HTT: variants seen among roughly 807,000 people sequenced by gnomAD.
The protein encoded by HTT is huntingtin.
In HTT, 104 loss-of-function variants were observed where a neutral mutation model predicts 362.3. The observed-to-expected ratio is 0.29, with a 90% CI of 0.24 to 0.34. HTT has a LOEUF of 0.34. HTT is among the 10% of genes least tolerant of loss of function. The pLI, the probability that HTT is intolerant of heterozygous loss-of-function variation, is 1.00. For missense variants in HTT, 3,301 were observed against 3,928.6 expected (o/e 0.84, Z 4.27); for synonymous variants, 1,577 against 1,548.7 (o/e 1.02, Z -0.43).
intron 62 of HTT, 28 bp from the exon 63 acceptor site, chr4:3,235,537 T>G: frequency 6.2e-7 from 1 of 1,603,900 alleles, no homozygotes; most frequent in Non-Finnish European, 8.5e-7. Context: ...AGCGATTCTT[T>G]GACACAGAGG....
intron 8 of HTT, among the ~76,000 whole-genome samples, chr4:3,119,909 C>T (rs1715214190): frequency 6.6e-6 from 1 of 152,120 alleles, no homozygotes. Context: ...TTCAGTCTTG[C>T]AGGCCATCCC....
At position 3,217,222 on chromosome 4, in the gene HTT, C is replaced by T. The variant is rs1578598313; in HGVS notation, c.7055-543C>T. Among the ~76,000 whole-genome samples the T allele has an allele frequency of 3.9e-5, 6 of 152,274 alleles. No individual in the cohort carries two copies. In the South Asian group the frequency reaches 1.2e-3, roughly 32 times the overall value. ...TAGGTATGATATTCTAGACTCAAGA[C>T]ACCATTCTGTGGATCTTCCCAAGGG... is the stretch of plus-strand genomic sequence containing the variant. On this transcript the variant is annotated intron_variant, in intron 51 of 66. Coordinates refer to ENST00000355072, the MANE Select transcript of HTT (RefSeq NM_001388492.1).
chr4:3,217,137 G>T (rs567789287), intron 51 of HTT, among the ~76,000 whole-genome samples: 1 of 152,126 alleles, frequency 6.6e-6, no homozygotes, highest in African/African-American at 2.4e-5. Context: ...GTAGAATCTC[G>T]TGGCCTGTGG....
chr4:3,203,899 C>A lies in HTT; in HGVS notation c.5577-108C>A, dbSNP rs367731283. On this transcript the variant is annotated intron_variant, in intron 41 of 66. Coordinates refer to ENST00000355072, the MANE Select transcript of HTT (RefSeq NM_001388492.1). ...CATTCTGATATGGCAATATTTAAAA[C>A]AACTTGTCTGTTTTAGAACTAGAAT... 6.7e-5 allele frequency: 72 copies of A among 1,079,114 alleles called. 1 individual carries two copies. The highest frequency in any genetic ancestry group is 2.6e-4 in the East Asian group (11 of 42,012). 66.8% of individuals were successfully genotyped at this position (1,079,114 alleles called of 1,614,324 possible).
chr4:3,217,949 A>C lies in HTT; in HGVS notation c.7239A>C (p.Pro2413=). The change falls in exon 52 of 67, where the codon CCA becomes CCC. Residue 2413 remains proline, a synonymous_variant. Coordinates refer to ENST00000355072, the MANE Select transcript of HTT (RefSeq NM_001388492.1). ...TCAACAGCTACACACGTGTGCCCCCACTGGTGAGTCTGCTCGTTCCTTGCA... is the reference window on the plus strand; with the variant it reads ...TCAACAGCTACACACGTGTGCCCCCCCTGGTGAGTCTGCTCGTTCCTTGCA... ...PLVNSYTRVP[P]LVWKLGWSPK... 6.2e-7 allele frequency: 1 copy of C among 1,606,672 alleles called. No homozygotes were observed. Among genetic ancestry groups the C allele is most frequent in the Non-Finnish European group, 8.5e-7 (1 of 1,176,876 alleles).
At chr4:3,098,593 G>A (rs190497519) in intron 2 of HTT, among the ~76,000 whole-genome samples, 83 of 152,318 alleles carry the variant, frequency 5.4e-4, no homozygotes, top group African/African-American at 1.7e-3. Flanking sequence ...GACAGTTGGA[G>A]CATGATGGCC....
intron 53 of HTT, 96 bp from the exon 54 acceptor site, chr4:3,222,291 T>C: frequency 1.0e-6 from 1 of 979,874 alleles, no homozygotes; most frequent in Non-Finnish European, 1.6e-6. Flanking sequence ...GCGTGGAGCC[T>C]TCTCCAGGGG....
chr4:3,198,386 G>A lies in HTT; in HGVS notation c.5369-1346G>A, dbSNP rs139636537. 6.6e-3 allele frequency among the ~76,000 whole-genome samples: 1,006 copies of A among 151,912 alleles called. 11 individuals carry two copies. The highest frequency in any genetic ancestry group is 0.022 in the African/African-American group (919 of 41,394). Reference sequence around the variant, plus strand: ...ATTACAGGCACCCGCCACCACACTCGGCCAATTTTTGTATTTTTAGTGGAG... The same window carrying A: ...ATTACAGGCACCCGCCACCACACTCAGCCAATTTTTGTATTTTTAGTGGAG... On this transcript the variant is annotated intron_variant, in intron 40 of 66. Transcript: ENST00000355072.
chr4:3,110,490 C>T (rs1172331109), intron 6 of HTT, among the ~76,000 whole-genome samples: 1 of 152,212 alleles, frequency 6.6e-6, no homozygotes, highest in Non-Finnish European at 1.5e-5. Context: ...ATTTCCTTTG[C>T]AGTTCTCCCG....
chr4:3,139,117 A>G (rs1358255896), intron 21 of HTT, among the ~76,000 whole-genome samples: 1 of 152,064 alleles, frequency 6.6e-6, no homozygotes, highest in South Asian at 2.1e-4. Flanking sequence ...CACTCCTTTC[A>G]TTTACTTAAT....
At chr4:3,186,543 A>C in intron 37 of HTT, 54 bp from the exon 38 acceptor site, 8 of 1,596,052 alleles carry the variant, frequency 5.0e-6, no homozygotes, top group Non-Finnish European at 6.0e-6. Context: ...GTGTACAGGA[A>C]GCTGTCGTTT....
intron 5 of HTT, among the ~76,000 whole-genome samples, chr4:3,106,354 C>T (rs1357873764): frequency 6.6e-6 from 1 of 151,856 alleles, no homozygotes; most frequent in Non-Finnish European, 1.5e-5. Flanking sequence ...AGACCTGTCT[C>T]AAAAAAACCA....
chr4:3,179,171 G>A (rs565262959), intron 35 of HTT, among the ~76,000 whole-genome samples: 1 of 152,332 alleles, frequency 6.6e-6, no homozygotes, highest in East Asian at 1.9e-4. Context: ...GACTCAGCGT[G>A]TGTGCAGAAG....
rs61792466 is a variant in HTT, at chr4:3,074,938, A to T, written c.113A>T (p.Gln38Leu). ...CAGCAGCAGCAGCAGCAGCAGCAAC[A>T]GCCGCCACCGCCGCCGCCGCCGCCG... ...QQQQQQQQQQ[Q>L]PPPPPPPPPP... The change falls in exon 1 of 67, where the codon CAG (glutamine) becomes CTG (leucine). Residue 38 changes from glutamine (Q) to leucine (L), a missense_variant. Gln to Leu is a moderately radical substitution (Grantham distance 113). Transcript: ENST00000355072. The T allele has an allele frequency of 7.9e-7, 1 of 1,266,788 alleles. No individual in the cohort carries two copies. The highest frequency in any genetic ancestry group is 3.3e-5 in the East Asian group (1 of 30,306). The allele number at this position is 1,266,788 out of a possible 1,614,324, so 78.5% of individuals were successfully genotyped here. A position where few individuals can be genotyped will look rare whatever the true frequency, so the allele number is the denominator to read the frequency against.
chr4:3,210,022 T>C, intron 47 of HTT, 73 bp downstream of exon 47: 2 of 1,563,990 alleles, frequency 1.3e-6, no homozygotes, highest in Non-Finnish European at 1.7e-6. Flanking sequence ...TGTCTCATCA[T>C]CATGTGACCC....
chr4:3,206,948 C>T lies in HTT; in HGVS notation c.6040C>T (p.Arg2014Cys), dbSNP rs566885635. The T allele has an allele frequency of 1.2e-5, 19 of 1,613,070 alleles. No homozygotes were observed. The Admixed American group carries it at 2.2e-4, about 18-fold the overall frequency. The change falls in exon 44 of 67, where the codon CGC becomes TGC. Residue 2014 changes from arginine to cysteine, a missense_variant. Arg to Cys is a radical substitution (Grantham distance 180, BLOSUM62 -3). Coordinates refer to ENST00000355072, the MANE Select transcript of HTT (RefSeq NM_001388492.1). The surrounding 1 kb of genome is among the most constrained non-coding windows in gnomAD (Gnocchi z 4.6). ...LARMVDILAC[R>C]RVEMLLAANL... ...TCGCATGGTCGACATCCTTGCTTGT[C>T]GCCGGGTAGAAATGCTTCTGGCTGC...
chr4:3,097,327 A>G (rs1472677723), intron 2 of HTT, among the ~76,000 whole-genome samples: 2 of 152,144 alleles, frequency 1.3e-5, no homozygotes, highest in African/African-American at 4.8e-5. Flanking sequence ...TATAGATTAT[A>G]TAGATATTAA....
chr4:3,157,187 C>A lies in HTT; in HGVS notation c.3741C>A (p.His1247Gln). 1 of 1,613,428 alleles carries A rather than the reference C, an allele frequency of 6.2e-7. No individual in the cohort carries two copies. The highest frequency in any genetic ancestry group is 8.5e-7 in the Non-Finnish European group (1 of 1,179,666). The change falls in exon 28 of 67, where the codon CAC (histidine) becomes CAA (glutamine). Residue 1247 changes from histidine to glutamine, a missense_variant. His to Gln is a conservative substitution (Grantham distance 24, BLOSUM62 0). Around this residue, in one of 4 missense-constraint regions of HTT, gnomAD observed 2,316 missense variants for 2,658.5 expected, o/e 0.87. Coordinates refer to ENST00000355072, the MANE Select transcript of HTT (RefSeq NM_001388492.1). ...LKLHDVLKAT[H>Q]ANYKVTLDLQ... is the part of the protein sequence containing the mutation. ...TGCATGATGTCCTGAAAGCTACACACGCTAACTACAAGGTATGGGCCTCTG... is the reference window on the plus strand; with the variant it reads ...TGCATGATGTCCTGAAAGCTACACAAGCTAACTACAAGGTATGGGCCTCTG...
At chr4:3,184,938 AT>A (rs1053280526) in intron 37 of HTT, among the ~76,000 whole-genome samples, 3 of 151,858 alleles carry the variant, frequency 2.0e-5, no homozygotes, top group Non-Finnish European at 4.4e-5. Flanking sequence ...TAAAGCCAAG[AT>A]TTTTTTTAAG....
Sources: allele counts gnomAD v4.1 joint callset (sites outside exome capture counted in the v4.1 genomes callset), GRCh38; gene constraint gnomAD v4.1.1; regional missense constraint gnomAD v4.1.1; non-coding constraint Gnocchi (gnomAD v3.1); transcripts MANE v1.5; gene names NCBI Gene and HGNC (gene_info 2026-07-23, HGNC 2026-07-21).